The following PRTG variants were observed in gnomAD, a reference collection of about 807,000 sequenced individuals.
PRTG encodes protogenin.
In PRTG, 67 loss-of-function variants were observed where a neutral mutation model predicts 122.5. That is an observed-to-expected ratio of 0.55 (90% CI 0.45 to 0.67). The LOEUF (loss-of-function observed/expected upper bound fraction) is 0.67, where lower values mean the gene tolerates loss of function less well. PRTG is among the 30% of genes least tolerant of loss of function. The pLI is 0.00. For synonymous variants in PRTG, 554 were observed against 501.1 expected (o/e 1.11, Z -1.41); for missense variants, 1,435 against 1,415.4 (o/e 1.01, Z -0.22).
At chr15:55,683,701 C>T in intron 3 of PRTG, 86 bp downstream of exon 3, 4 of 1,074,826 alleles carry the variant, frequency 3.7e-6, no homozygotes, top group South Asian at 1.7e-5. Context: ...AAAAATGAGG[C>T]CTATAATGGT....
At chr15:55,693,327 A>G (rs1266526878) in intron 2 of PRTG, among the ~76,000 whole-genome samples, 1 of 152,074 alleles carries the variant, frequency 6.6e-6, no homozygotes, top group African/African-American at 2.4e-5. Flanking sequence ...GTGGCGGCGC[A>G]TGCCTGCAAT....
At chr15:55,688,146 C>T (rs948270041) in intron 2 of PRTG, among the ~76,000 whole-genome samples, 4 of 152,364 alleles carry the variant, frequency 2.6e-5, no homozygotes, top group East Asian at 1.9e-4. Context: ...CCCATGGGAT[C>T]GAAACTTCTC....
intron 2 of PRTG, among the ~76,000 whole-genome samples, chr15:55,715,096 T>C (rs2030550724): frequency 6.6e-6 from 1 of 152,216 alleles, no homozygotes; most frequent in Non-Finnish European, 1.5e-5. Context: ...CATATATTCA[T>C]ATTATTCAAA....
At chr15:55,627,225 C>G (rs1232459728) in intron 16 of PRTG, 97 bp from the exon 17 acceptor site, 13 of 770,644 alleles carry the variant, frequency 1.7e-5, no homozygotes, top group Non-Finnish European at 2.4e-5. Context: ...TTTTCTTTAT[C>G]TCATAGGAAA....
chr15:55,633,375 A>C (rs1179963679), intron 15 of PRTG, among the ~76,000 whole-genome samples: 1 of 152,002 alleles, frequency 6.6e-6, no homozygotes, highest in Non-Finnish European at 1.5e-5. Flanking sequence ...ACGCCCTATA[A>C]TTTTTTATTT....
chr15:55,718,843 A>C (rs2030703570), intron 2 of PRTG, among the ~76,000 whole-genome samples: 1 of 152,038 alleles, frequency 6.6e-6, no homozygotes. Context: ...CCTGGGTTCA[A>C]GCGATTCACC....
chr15:55,665,208 C>T (rs553692757), intron 11 of PRTG, among the ~76,000 whole-genome samples: 4 of 151,922 alleles, frequency 2.6e-5, no homozygotes, highest in South Asian at 2.1e-4. Flanking sequence ...TGCAGTGAGC[C>T]GAGATCGCGC....
At chr15:55,656,412 C>T (rs2059380470) in intron 11 of PRTG, 1 of 440,776 alleles carries the variant, frequency 2.3e-6, no homozygotes, top group Non-Finnish European at 4.5e-6. Context: ...ATTTAGGGTA[C>T]TTTATAAAGG....
In PRTG at chr15:55,725,486, T is replaced by C. The variant is rs188239290; in HGVS notation, c.397+14896A>G. On this transcript the variant is annotated intron_variant, in intron 2 of 19. Transcript: ENST00000389286. ...TAGCATGTGCCTGCAGCCCAGCTAC[T>C]TGGGAGACAGAGGTGAGAGGATCAC... Among the ~76,000 whole-genome samples, 11 of 152,098 alleles carry C rather than the reference T, an allele frequency of 7.2e-5. No individual in the cohort carries two copies. The East Asian group carries it at 2.1e-3, about 29-fold the overall frequency.
chr15:55,662,729 G>A (rs1189025351), intron 11 of PRTG, among the ~76,000 whole-genome samples: 1 of 152,122 alleles, frequency 6.6e-6, no homozygotes, highest in Non-Finnish European at 1.5e-5. Context: ...CATAGTAAGA[G>A]AAATTTCAAT....
At chr15:55,691,354 T>A (rs1345063404) in intron 2 of PRTG, among the ~76,000 whole-genome samples, 1 of 148,732 alleles carries the variant, frequency 6.7e-6, no homozygotes, top group Non-Finnish European at 1.5e-5. Flanking sequence ...CTGCTCAGTA[T>A]AAAGTGAAAT....
chr15:55,624,470 G>C lies in PRTG; in HGVS notation c.2965C>G (p.Gln989Glu). Residue 989 changes from glutamine (Q) to glutamate (E), a missense_variant, in exon 18 of 20, where the codon CAA becomes GAA. Gln to Glu is a conservative substitution (Grantham distance 29). Transcript: ENST00000389286. ...GAGGCACTGGTACGAGGTAACTGTT[G>C]AGTTCCATTCTGTGCCGTCTTGGAA... ...SASKTAQNGT[Q>E]QLPRTSASLA... 6.2e-7 allele frequency: 1 copy of C among 1,613,960 alleles called. No homozygotes were observed. The highest frequency in any genetic ancestry group is 1.1e-5 in the South Asian group (1 of 91,046).
chr15:55,627,066 T>G lies in PRTG; in HGVS notation c.2869A>C (p.Ile957Leu), dbSNP rs906371263. ...SMTGIAVGVG[I>L]ALTCILICVL... is the part of the protein sequence containing the mutation. ...CAGATGAGGATGCAGGTCAAGGCTA[T>G]GCCAACACCTACAGCAATGCCAGTC... Residue 957 changes from isoleucine (I) to leucine (L), a missense_variant, in exon 17 of 20, where the codon ATA becomes CTA. Physicochemically the swap from Ile to Leu is conservative, Grantham distance 5. Transcript: ENST00000389286. 5.6e-6 allele frequency: 9 copies of G among 1,611,796 alleles called. No homozygotes were observed. The highest frequency in any genetic ancestry group is 7.6e-6 in the Non-Finnish European group (9 of 1,178,204).
chr15:55,628,292 G>C (rs2141717623), intron 16 of PRTG, among the ~76,000 whole-genome samples: 1 of 151,796 alleles, frequency 6.6e-6, no homozygotes, highest in Admixed American at 6.6e-5. Flanking sequence ...GGGGGCACCA[G>C]CTTTCTTGAG....
At chr15:55,684,473 GA>G (rs773225106) in intron 2 of PRTG, among the ~76,000 whole-genome samples, 11 of 152,194 alleles carry the variant, frequency 7.2e-5, no homozygotes, top group Non-Finnish European at 1.5e-4. Flanking sequence ...ATAGGATTGT[GA>G]GGAAACAGCC....
intron 7 of PRTG, among the ~76,000 whole-genome samples, 191 bp downstream of exon 7, chr15:55,679,095 T>A (rs1346388606): frequency 1.3e-5 from 2 of 152,208 alleles, no homozygotes; most frequent in East Asian, 3.8e-4. Flanking sequence ...ATGTATAAAA[T>A]ACCAATGAGT....
chr15:55,691,528 A>G (rs1174668504), intron 2 of PRTG, among the ~76,000 whole-genome samples: 8 of 151,540 alleles, frequency 5.3e-5, no homozygotes, highest in African/African-American at 1.9e-4. Flanking sequence ...TAAAAACACA[A>G]AAATTAGCCG....
intron 2 of PRTG, among the ~76,000 whole-genome samples, chr15:55,739,399 G>C (rs912430585): frequency 2.0e-5 from 3 of 151,874 alleles, no homozygotes; most frequent in Non-Finnish European, 2.9e-5. Context: ...GCCCAGCTAA[G>C]ATTATGCCTT....
At chr15:55,677,748 C>A in intron 8 of PRTG, 49 bp downstream of exon 8, 1 of 1,579,646 alleles carries the variant, frequency 6.3e-7, no homozygotes, top group Non-Finnish European at 8.7e-7. Context: ...GAAAACAAAT[C>A]CTTGATAGCA....
Sources: gnomAD v4.1 joint callset for allele counts (sites outside exome capture counted in the v4.1 genomes callset) on GRCh38, gnomAD v4.1.1 for gene constraint, MANE v1.5 for transcripts, NCBI Gene and HGNC (gene_info 2026-07-23, HGNC 2026-07-21) for gene names.